Variants in ATP8B1 observed in about 807,000 individuals in gnomAD.
ATP8B1 encodes ATPase phospholipid transporting 8B1.
In ATP8B1, 80 loss-of-function variants were observed where a neutral mutation model predicts 149.9. The observed-to-expected ratio is 0.53, with a 90% CI of 0.45 to 0.64. The LOEUF is 0.64. Ranked by LOEUF, ATP8B1 falls within the 30% of genes least tolerant of loss-of-function variation. The probability of loss-of-function intolerance (pLI) is 0.00; values close to 1 mark genes in which losing one functional copy is unlikely to be tolerated. For synonymous variants in ATP8B1, 536 were observed against 562.8 expected (o/e 0.95, Z 0.67); for missense variants, 1,247 against 1,552.6 (o/e 0.80, Z 3.31).
At chr18:57,701,629 GAA>G (rs1359922455) in intron 4 of ATP8B1, among the ~76,000 whole-genome samples, 9 of 151,984 alleles carry the variant, frequency 5.9e-5, no homozygotes, top group Non-Finnish European at 1.0e-4. Context: ...AATCTTTTGT[GAA>G]AATCATATTT....
intron 17 of ATP8B1, 89 bp from the exon 18 acceptor site, chr18:57,669,571 A>C: frequency 8.3e-7 from 1 of 1,202,764 alleles, no homozygotes; most frequent in Admixed American, 2.1e-5. Flanking sequence ...ACTTTGAAGT[A>C]ATATACTAAC....
In ATP8B1 at chr18:57,802,739, G is replaced by A. The variant is rs988540384; in HGVS notation, c.-26+259C>T. 1.3e-5 allele frequency among the ~76,000 whole-genome samples: 2 copies of A among 152,188 alleles called. No homozygotes were observed. The highest frequency in any genetic ancestry group is 1.9e-4 in the East Asian group (1 of 5,178). On this transcript the variant is annotated intron_variant, in intron 1 of 27. Coordinates refer to ENST00000648908, the MANE Select transcript of ATP8B1 (RefSeq NM_001374385.1). This position sits in a 1 kb window ranked among gnomAD's most constrained non-coding sequence, Gnocchi z 4.9. ...CCCGAGATTTCCCTCCTCTAGGCAG[G>A]TGAAAACCCCACGGAACTCTCCGCA... is the stretch of plus-strand genomic sequence containing the variant.
chr18:57,662,752 A>T, intron 20 of ATP8B1, 137 bp from the exon 21 acceptor site: 1 of 1,000,048 alleles, frequency 1.0e-6, no homozygotes, highest in Non-Finnish European at 1.5e-6. Flanking sequence ...TCTTTATTTT[A>T]TTTTCATTAT....
At chr18:57,743,866 G>C (rs1042360331) in intron 1 of ATP8B1, among the ~76,000 whole-genome samples, 2 of 152,152 alleles carry the variant, frequency 1.3e-5, no homozygotes, top group Non-Finnish European at 2.9e-5. Flanking sequence ...GGGAAGGTGA[G>C]AGCCTGGGAG....
At chr18:57,725,279 T>C (rs946248321) in intron 2 of ATP8B1, among the ~76,000 whole-genome samples, 2 of 150,576 alleles carry the variant, frequency 1.3e-5, no homozygotes, top group East Asian at 1.9e-4. Flanking sequence ...AATAATCCCA[T>C]TTATAATAGC....
At chr18:57,706,416 G>T in intron 3 of ATP8B1, 74 bp downstream of exon 3, 1 of 1,197,668 alleles carries the variant, frequency 8.3e-7, no homozygotes, top group Non-Finnish European at 1.2e-6. Context: ...GGTGTAGCAT[G>T]AAGGTAGTAA....
chr18:57,653,899 A>T, intron 24 of ATP8B1, 93 bp downstream of exon 24: 1 of 1,151,236 alleles, frequency 8.7e-7, no homozygotes, highest in Non-Finnish European at 1.3e-6. Context: ...GAAAGAAGTA[A>T]ACACCAGAAG....
chr18:57,692,655 G>A (rs1912600827), intron 11 of ATP8B1, among the ~76,000 whole-genome samples: 1 of 151,852 alleles, frequency 6.6e-6, no homozygotes, highest in Non-Finnish European at 1.5e-5. Flanking sequence ...GGCTGGTCTC[G>A]AACTCTTGTC....
intron 1 of ATP8B1, among the ~76,000 whole-genome samples, chr18:57,776,576 A>G (rs2080307423): frequency 6.6e-6 from 1 of 152,134 alleles, no homozygotes; most frequent in African/African-American, 2.4e-5. Flanking sequence ...AAAGGAGGGG[A>G]AATAAAACAG....
chr18:57,793,816 A>G (rs1599246500), intron 1 of ATP8B1, among the ~76,000 whole-genome samples: 1 of 152,038 alleles, frequency 6.6e-6, no homozygotes. Context: ...GGCAGCTTGC[A>G]CCCTTGCCCT....
At chr18:57,661,034 G>T in intron 22 of ATP8B1, 140 bp downstream of exon 22, 2 of 1,203,444 alleles carry the variant, frequency 1.7e-6, no homozygotes, top group Non-Finnish European at 2.4e-6. Context: ...CGTTGTCATG[G>T]TTAAGTGACT....
chr18:57,716,463 C>A (rs1370869681), intron 2 of ATP8B1, among the ~76,000 whole-genome samples: 3 of 150,564 alleles, frequency 2.0e-5, no homozygotes, highest in Non-Finnish European at 4.4e-5. Context: ...ACAGACACTC[C>A]ACCTGGACTG....
chr18:57,672,905 T>A lies in ATP8B1; in HGVS notation c.1820-1325A>T, dbSNP rs1334330715. 2.7e-4 allele frequency among the ~76,000 whole-genome samples: 18 copies of A among 65,696 alleles called. 1 individual carries two copies. In the East Asian group the frequency reaches 5.8e-3, roughly 21 times the overall value. The allele number at this position is 65,696 out of a possible 152,430, so 43.1% of individuals were successfully genotyped here. Reference sequence around the variant, plus strand: ...AAAAAAGTATATATATATATATATATATATATATATATATATATATATATA... The same window carrying A: ...AAAAAAGTATATATATATATATATAAATATATATATATATATATATATATA... On this transcript the variant is annotated intron_variant, in intron 16 of 27. Coordinates refer to ENST00000648908, the MANE Select transcript of ATP8B1 (RefSeq NM_001374385.1).
intron 1 of ATP8B1, among the ~76,000 whole-genome samples, chr18:57,797,183 A>AT (rs1311429192): frequency 6.6e-6 from 1 of 152,150 alleles, no homozygotes; most frequent in Non-Finnish European, 1.5e-5. Flanking sequence ...TCCAAAGAGG[A>AT]TTTTCTAGTG....
At chr18:57,736,121 G>C (rs986255901) in intron 1 of ATP8B1, among the ~76,000 whole-genome samples, 2 of 152,066 alleles carry the variant, frequency 1.3e-5, no homozygotes, top group Non-Finnish European at 2.9e-5. Flanking sequence ...ATGGCTTCCA[G>C]CTTCATCCAT....
At chr18:57,765,138 A>T (rs932340835) in intron 1 of ATP8B1, among the ~76,000 whole-genome samples, 1 of 152,252 alleles carries the variant, frequency 6.6e-6, no homozygotes, top group Non-Finnish European at 1.5e-5. Flanking sequence ...GCATAAAGAC[A>T]TGCTAAGTAA....
intron 18 of ATP8B1, chr18:57,669,112 T>C (rs1911073835): frequency 2.3e-6 from 1 of 433,646 alleles, no homozygotes; most frequent in Non-Finnish European, 4.0e-6. Flanking sequence ...CCTAATGTAT[T>C]TTGTCTTTTG....
At chr18:57,793,458 C>G (rs1568074427) in intron 1 of ATP8B1, among the ~76,000 whole-genome samples, 1 of 151,986 alleles carries the variant, frequency 6.6e-6, no homozygotes, top group Non-Finnish European at 1.5e-5. Context: ...TCTGCCTGGA[C>G]TGGTCTTCAC....
intron 1 of ATP8B1, among the ~76,000 whole-genome samples, chr18:57,794,772 C>G (rs1028327151): frequency 2.7e-5 from 4 of 147,986 alleles, no homozygotes; most frequent in Middle Eastern, 3.5e-3. Flanking sequence ...GCCTGGGCGA[C>G]AGAGCGAAAC....
Sources: gnomAD v4.1 joint callset for allele counts (sites outside exome capture counted in the v4.1 genomes callset) on GRCh38, gnomAD v4.1.1 for gene constraint, Gnocchi (gnomAD v3.1) non-coding constraint, MANE v1.5 for transcripts, NCBI Gene and HGNC (gene_info 2026-07-23, HGNC 2026-07-21) for gene names.